The following ATOSA variants were observed in gnomAD, a reference collection of about 807,000 sequenced individuals.
ATOSA encodes atos homolog protein A.
At chr15:52,611,773 C>T in the ATOSA span, 2 of 1,613,492 alleles carry the variant, frequency 1.2e-6, no homozygotes, top group Non-Finnish European at 1.7e-6. Flanking sequence ...TCTGGCTTGG[C>T]GGCACTTAGA....
the ATOSA span, among the ~76,000 whole-genome samples, chr15:52,596,435 A>G: frequency 6.6e-6 from 1 of 152,262 alleles, no homozygotes; most frequent in Non-Finnish European, 1.5e-5. Context: ...TTGAACATCC[A>G]TATGCGTAAA....
At chr15:52,680,681 C>A in the ATOSA span, among the ~76,000 whole-genome samples, 1 of 152,088 alleles carries the variant, frequency 6.6e-6, no homozygotes, top group Non-Finnish European at 1.5e-5. Context: ...CTAATCAGAG[C>A]GGAGAGAACA....
At chr15:52,630,760 C>G in the ATOSA span, among the ~76,000 whole-genome samples, 1 of 152,050 alleles carries the variant, frequency 6.6e-6, no homozygotes, top group South Asian at 2.1e-4. Flanking sequence ...TCTATAACAA[C>G]AAAATTTTGG....
chr15:52,702,131 G>A, the ATOSA span, among the ~76,000 whole-genome samples: 1 of 152,126 alleles, frequency 6.6e-6, no homozygotes, highest in Non-Finnish European at 1.5e-5. Context: ...TGCTGGCAAG[G>A]CTGCAGAGAA....
At chr15:52,610,222 G>T in the ATOSA span, 6 of 1,613,986 alleles carry the variant, frequency 3.7e-6, no homozygotes, top group Non-Finnish European at 5.1e-6. Context: ...GCCAATATTA[G>T]TGTGAATACT....
chr15:52,673,044 C>T, the ATOSA span, among the ~76,000 whole-genome samples: 1 of 152,144 alleles, frequency 6.6e-6, no homozygotes, highest in African/African-American at 2.4e-5. Flanking sequence ...AATTAGCCCC[C>T]TTTTGTCTTC....
At chr15:52,655,516 C>G in the ATOSA span, among the ~76,000 whole-genome samples, 1 of 152,220 alleles carries the variant, frequency 6.6e-6, no homozygotes, top group East Asian at 1.9e-4. Context: ...TAGGGACCAT[C>G]GATGTGGGTT....
the ATOSA span, among the ~76,000 whole-genome samples, chr15:52,613,308 G>A: frequency 1.3e-5 from 2 of 152,266 alleles, no homozygotes; most frequent in African/African-American, 4.8e-5. Flanking sequence ...GGAGGTTGCA[G>A]TGAGCCAAGA....
the ATOSA span, chr15:52,587,353 T>G: frequency 2.8e-6 from 2 of 705,928 alleles, no homozygotes; most frequent in Non-Finnish European, 4.5e-6. Context: ...ATTGAATTAA[T>G]AGAGATACAT....
the ATOSA span, among the ~76,000 whole-genome samples, chr15:52,661,485 C>A: frequency 1.3e-5 from 2 of 152,190 alleles, no homozygotes; most frequent in South Asian, 4.1e-4. Flanking sequence ...TACATTTTCT[C>A]AACTGTAAAA....
At chr15:52,651,438 A>G in the ATOSA span, among the ~76,000 whole-genome samples, 22 of 152,252 alleles carry the variant, frequency 1.4e-4, no homozygotes, top group African/African-American at 7.2e-5. Context: ...TGTCAAATTC[A>G]GAAACATGAA....
the ATOSA span, among the ~76,000 whole-genome samples, chr15:52,707,159 C>T: frequency 6.6e-5 from 10 of 152,158 alleles, no homozygotes; most frequent in African/African-American, 2.2e-4. Flanking sequence ...ATTTTACAAC[C>T]ATCATGGTAA....
chr15:52,593,849 T>C, the ATOSA span: 19 of 1,023,436 alleles, frequency 1.9e-5, no homozygotes, highest in East Asian at 4.3e-4. Flanking sequence ...TTAAAAGAAA[T>C]ATATTACTAT....
chr15:52,615,383 T>A, the ATOSA span, among the ~76,000 whole-genome samples: 43 of 152,204 alleles, frequency 2.8e-4, no homozygotes, highest in Non-Finnish European at 4.7e-4. Flanking sequence ...CAATTTGTTG[T>A]ACAAAAAGTT....
chr15:52,619,095 A>C, the ATOSA span, among the ~76,000 whole-genome samples: 1 of 152,260 alleles, frequency 6.6e-6, no homozygotes, highest in Non-Finnish European at 1.5e-5. Flanking sequence ...TGGATTATAC[A>C]ATGGTATTTT....
chr15:52,608,931 T>C, the ATOSA span: 1 of 1,606,732 alleles, frequency 6.2e-7, no homozygotes, highest in Non-Finnish European at 8.5e-7. Context: ...AGTTCTCATT[T>C]ATTATTTTTT....
the ATOSA span, chr15:52,609,917 C>CTGA: frequency 6.2e-7 from 1 of 1,610,718 alleles, no homozygotes; most frequent in Non-Finnish European, 8.5e-7. Flanking sequence ...AAAGTTCTCA[C>CTGA]TGATGTTTCT....
At chr15:52,646,323 A>C in the ATOSA span, among the ~76,000 whole-genome samples, 2 of 152,210 alleles carry the variant, frequency 1.3e-5, no homozygotes, top group Non-Finnish European at 2.9e-5. Flanking sequence ...ACTGGGTGAC[A>C]TTCATAGCAG....
chr15:52,667,021 C>T, the ATOSA span, among the ~76,000 whole-genome samples: 2 of 151,704 alleles, frequency 1.3e-5, no homozygotes, highest in Non-Finnish European at 2.9e-5. Context: ...CCCAAAGTGT[C>T]AAATGTGCTT....
Sources: allele counts gnomAD v4.1 joint callset (sites outside exome capture counted in the v4.1 genomes callset), GRCh38; gene constraint gnomAD v4.1.1; transcripts MANE v1.5; gene names NCBI Gene and HGNC (gene_info 2026-07-23, HGNC 2026-07-21).